Variants in ARHGEF3 observed in about 807,000 individuals in gnomAD.
ARHGEF3 encodes Rho guanine nucleotide exchange factor 3, also known as 59.8 kDA protein.
In ARHGEF3, 28 loss-of-function variants were observed where a neutral mutation model predicts 63.2. The ratio of observed to expected loss-of-function variants is 0.44; its 90% CI spans 0.33 to 0.61. ARHGEF3 has a LOEUF of 0.61. ARHGEF3 is among the 20% of genes least tolerant of loss of function. The probability of loss-of-function intolerance (pLI) is 0.03; values close to 1 mark genes in which losing one functional copy is unlikely to be tolerated. For synonymous variants in ARHGEF3, 266 were observed against 254.2 expected, an observed-to-expected ratio of 1.05 and a Z score of -0.44; for missense variants, 533 against 659.3, an observed-to-expected ratio of 0.81 and a Z score of 2.10.
intron 2 of ARHGEF3, among the ~76,000 whole-genome samples, chr3:56,990,138 T>C (rs1446184460): frequency 6.6e-6 from 1 of 152,188 alleles, no homozygotes; most frequent in Non-Finnish European, 1.5e-5. Flanking sequence ...TCAGTTTCCA[T>C]ATGCAAAGTG....
rs531123180 is a variant in ARHGEF3 at position 56,924,035 on chromosome 3, G to A, written c.129+34788C>T. ...TTCCGCATGCAGCTTCCTGGAGACC[G>A]TATAAGATAAACAATAAACTTTGCA... On this transcript the variant is annotated intron_variant, in intron 3 of 12. Coordinates refer to the ARHGEF3 transcript ENST00000338458. Among the ~76,000 whole-genome samples, 5 of 152,254 alleles carry A rather than the reference G, an allele frequency of 3.3e-5. No homozygotes were observed. In the South Asian group the frequency reaches 6.2e-4, roughly 19 times the overall value.
chr3:56,921,098 C>T (rs1024733127), intron 3 of ARHGEF3, among the ~76,000 whole-genome samples: 14 of 146,870 alleles, frequency 9.5e-5, no homozygotes, highest in South Asian at 6.6e-4. Flanking sequence ...AGTGCAGTGG[C>T]TCACACCTGT....
intron 3 of ARHGEF3, among the ~76,000 whole-genome samples, chr3:56,933,912 CAGTG>C (rs772142616): frequency 1.3e-5 from 2 of 152,136 alleles, no homozygotes; most frequent in African/African-American, 2.4e-5. Flanking sequence ...ATTCTCATGA[CAGTG>C]AGTGAGTTCT....
At chr3:56,844,777 C>T (rs76945753) in intron 4 of ARHGEF3, among the ~76,000 whole-genome samples, 17,595 of 152,146 alleles carry the variant, frequency 0.12, 1,214 homozygotes, top group Non-Finnish European at 0.15. Flanking sequence ...TTCACCAAGT[C>T]ACTAAACATT....
chr3:56,995,620 C>CGAGAGAGAGAGAGAGAGAGAGAGA (rs66778716), intron 2 of ARHGEF3, among the ~76,000 whole-genome samples: 15 of 113,232 alleles, frequency 1.3e-4, no homozygotes, highest in Admixed American at 3.7e-4. Flanking sequence ...GTAAATTTTC[C>CGAGAGAGAGAGAGAGAGAGAGAGA]GAGAGAGAGA....
intron 2 of ARHGEF3, among the ~76,000 whole-genome samples, chr3:56,981,212 T>C (rs144361031): frequency 1.5e-3 from 222 of 152,348 alleles, no homozygotes; most frequent in African/African-American, 5.1e-3. Context: ...CACATGCCGA[T>C]GTCCACACAG....
chr3:56,899,433 C>T (rs2041431534), intron 3 of ARHGEF3, among the ~76,000 whole-genome samples: 1 of 152,230 alleles, frequency 6.6e-6, no homozygotes, highest in Admixed American at 6.5e-5. Context: ...CTAACGTTTA[C>T]CATGCCCAAT....
intron 6 of ARHGEF3, among the ~76,000 whole-genome samples, chr3:56,749,799 T>C (rs1307404330): frequency 1.3e-5 from 2 of 152,124 alleles, no homozygotes; most frequent in African/African-American, 4.8e-5. Context: ...TCAGCCTTGG[T>C]GCTAAAATTG....
intron 1 of ARHGEF3, among the ~76,000 whole-genome samples, chr3:57,069,003 C>A (rs537498774): frequency 1.1e-4 from 16 of 151,304 alleles, no homozygotes; most frequent in African/African-American, 3.9e-4. Context: ...CTCACCGTAA[C>A]CTCTGCCTCC....
chr3:56,764,559 C>A (rs1278084365), intron 2 of ARHGEF3, among the ~76,000 whole-genome samples: 1 of 152,046 alleles, frequency 6.6e-6, no homozygotes, highest in African/African-American at 2.4e-5. Context: ...AGCTGTGTGA[C>A]CTTGGGTACA....
intron 2 of ARHGEF3, among the ~76,000 whole-genome samples, chr3:57,005,671 A>C (rs917612476): frequency 1.3e-5 from 2 of 152,150 alleles, no homozygotes; most frequent in East Asian, 1.9e-4. Context: ...TCTGGCGCTG[A>C]GGGTCAGGAC....
At chr3:56,741,181 GTTC>G (rs2033991411) in intron 7 of ARHGEF3, among the ~76,000 whole-genome samples, 2 of 118,336 alleles carry the variant, frequency 1.7e-5, no homozygotes, top group African/African-American at 7.3e-5. Flanking sequence ...CTCTGCTTTG[GTTC>G]TTTTTTTTTT....
intron 3 of ARHGEF3, among the ~76,000 whole-genome samples, chr3:56,923,025 AATATATATATATATATATATATATATAT>A (rs72294634): frequency 3.4e-4 from 31 of 91,276 alleles, no homozygotes; most frequent in African/African-American, 8.7e-4. Flanking sequence ...ATCTCTACTA[AATATATATATATATATATATATATATAT>A]ATATATATAT....
intron 2 of ARHGEF3, among the ~76,000 whole-genome samples, chr3:56,764,205 G>A (rs545146036): frequency 6.6e-6 from 1 of 152,298 alleles, no homozygotes; most frequent in African/African-American, 2.4e-5. Context: ...CTTAGGTGTA[G>A]AGAAAATATT....
intron 8 of ARHGEF3, among the ~76,000 whole-genome samples, 197 bp downstream of exon 8, chr3:56,736,988 G>C (rs2033666267): frequency 6.6e-6 from 1 of 152,088 alleles, no homozygotes; most frequent in African/African-American, 2.4e-5. Context: ...CCAGCTACTT[G>C]GGAGGCCGAG....
intron 7 of ARHGEF3, among the ~76,000 whole-genome samples, chr3:56,744,446 G>A (rs947652381): frequency 6.7e-6 from 1 of 148,484 alleles, no homozygotes; most frequent in Non-Finnish European, 1.5e-5. Context: ...TGCCCAGGCT[G>A]GAGTTGCAGT....
chr3:57,011,108 T>C (rs986528287), intron 2 of ARHGEF3, among the ~76,000 whole-genome samples: 4 of 152,056 alleles, frequency 2.6e-5, no homozygotes, highest in East Asian at 1.9e-4. Context: ...ATGATGAACA[T>C]GCAACCGGCG....
At chr3:57,036,971 T>G (rs990935954) in intron 1 of ARHGEF3, among the ~76,000 whole-genome samples, 1 of 152,214 alleles carries the variant, frequency 6.6e-6, no homozygotes, top group African/African-American at 2.4e-5. Context: ...CTGGGACCCT[T>G]GTACCCCAAG....
chr3:57,052,061 T>C (rs889605179), intron 1 of ARHGEF3, among the ~76,000 whole-genome samples: 1 of 152,188 alleles, frequency 6.6e-6, no homozygotes. Context: ...ATGGTAATTA[T>C]CACACTAAAG....
Sources: allele counts gnomAD v4.1 joint callset (sites outside exome capture counted in the v4.1 genomes callset), GRCh38; gene constraint gnomAD v4.1.1; transcripts MANE v1.5; gene names NCBI Gene and HGNC (gene_info 2026-07-23, HGNC 2026-07-21).